The following RNLS variants were observed in gnomAD, a reference collection of about 807,000 sequenced individuals.
RNLS encodes renalase, FAD dependent amine oxidase, also known as renalase.
In RNLS, 39 loss-of-function variants were observed where a neutral mutation model predicts 39.8. The ratio of observed to expected loss-of-function variants is 0.98; its 90% CI spans 0.76 to 1.28. The LOEUF (loss-of-function observed/expected upper bound fraction) is 1.28. RNLS is among the 50% of genes most tolerant of loss of function. The pLI, the probability that RNLS is intolerant of heterozygous loss-of-function variation, is 0.00. For synonymous variants in RNLS, 147 were observed against 150.7 expected, an observed-to-expected ratio of 0.98 and a Z score of 0.18; for missense variants, 410 against 413.3, an observed-to-expected ratio of 0.99 and a Z score of 0.07.
Position 88,336,535 on chromosome 10 carries a change from C to T in RNLS, c.701-21894G>A, listed in dbSNP as rs986653696. Among the ~76,000 whole-genome samples, 11 of 152,056 alleles carry T rather than the reference C, an allele frequency of 7.2e-5. No homozygotes were observed. The East Asian group carries it at 2.1e-3, about 29-fold the overall frequency. ...GAATTGAAAATAAAATGAGAACTCC[C>T]CTAAAGTTCCTACTTCCAGTTTCAG... On this transcript the variant is annotated intron_variant, in intron 5 of 6. Transcript: ENST00000331772.
intron 4 of RNLS, among the ~76,000 whole-genome samples, chr10:88,433,716 G>T (rs1398625031): frequency 1.3e-5 from 2 of 151,964 alleles, no homozygotes; most frequent in Non-Finnish European, 2.9e-5. Flanking sequence ...TGAGTACTTA[G>T]ATCAAACCTG....
chr10:88,203,707 T>G, the RNLS span, among the ~76,000 whole-genome samples: 2 of 150,408 alleles, frequency 1.3e-5, no homozygotes, highest in Non-Finnish European at 3.0e-5. Flanking sequence ...ATGGTTGCCT[T>G]AGATTTATTT....
the RNLS span, among the ~76,000 whole-genome samples, chr10:88,240,901 A>AT: frequency 2.0e-4 from 30 of 149,640 alleles, no homozygotes; most frequent in Admixed American, 4.0e-4. Context: ...GTTGGCAAAG[A>AT]TTTTTTTTTT....
chr10:88,569,108 T>C (rs921049347), intron 4 of RNLS, among the ~76,000 whole-genome samples: 2 of 152,198 alleles, frequency 1.3e-5, no homozygotes, highest in African/African-American at 4.8e-5. Context: ...GTGAACATAA[T>C]ATGGTGTACC....
At chr10:88,209,895 A>T in the RNLS span, among the ~76,000 whole-genome samples, 1 of 152,204 alleles carries the variant, frequency 6.6e-6, no homozygotes. Context: ...CAAGAGAAAG[A>T]ACCTCAGGAG....
intron 4 of RNLS, among the ~76,000 whole-genome samples, chr10:88,555,913 C>T (rs1848849665): frequency 6.6e-6 from 1 of 152,112 alleles, no homozygotes; most frequent in South Asian, 2.1e-4. Context: ...TCTTGGACCT[C>T]ATCCAGTTCC....
chr10:88,313,355 C>T (rs1589525542), intron 6 of RNLS, among the ~76,000 whole-genome samples: 2 of 152,000 alleles, frequency 1.3e-5, no homozygotes, highest in East Asian at 3.8e-4. Context: ...AGATTATTTC[C>T]CTGTTTTCTT....
chr10:88,341,367 G>C (rs1007507985), intron 5 of RNLS, among the ~76,000 whole-genome samples: 2 of 137,828 alleles, frequency 1.5e-5, no homozygotes, highest in Non-Finnish European at 3.2e-5. Context: ...GAACAAACAA[G>C]AATATTGGCT....
At chr10:88,391,532 T>TG (rs1403834568) in intron 4 of RNLS, among the ~76,000 whole-genome samples, 10 of 152,166 alleles carry the variant, frequency 6.6e-5, no homozygotes, top group Non-Finnish European at 1.2e-4. Context: ...CACTCCAGCC[T>TG]GGCGACAGAG....
In RNLS at chr10:88,313,116, T is replaced by C. The variant is rs1055289113; in HGVS notation, c.876+1350A>G. Among the ~76,000 whole-genome samples the C allele has an allele frequency of 3.3e-5, 5 of 152,252 alleles. No individual in the cohort carries two copies. The East Asian group carries it at 9.6e-4, about 29-fold the overall frequency. On this transcript the variant is annotated intron_variant, in intron 6 of 6. Transcript: ENST00000331772. ...CAAAGATTTTTATTAAATTTTGTGA[T>C]ATTGCACAACTTTGATTAGACCATT...
the RNLS span, among the ~76,000 whole-genome samples, chr10:88,188,890 GT>G: frequency 6.6e-6 from 1 of 152,106 alleles, no homozygotes; most frequent in Non-Finnish European, 1.5e-5. Flanking sequence ...TGAAATCTCT[GT>G]GCTTTTTGTA....
chr10:88,485,683 A>G (rs1253055005), intron 4 of RNLS, among the ~76,000 whole-genome samples: 8 of 151,416 alleles, frequency 5.3e-5, no homozygotes, highest in African/African-American at 1.9e-4. Flanking sequence ...ATTTGCAGTT[A>G]ACAATATAAA....
the RNLS span, among the ~76,000 whole-genome samples, chr10:88,267,762 G>GGCAGAAAGGC: frequency 6.6e-6 from 1 of 152,130 alleles, no homozygotes; most frequent in African/African-American, 2.4e-5. Context: ...GATGGCCAAT[G>GGCAGAAAGGC]GCAGAAAGGC....
the RNLS span, among the ~76,000 whole-genome samples, chr10:88,212,118 C>G: frequency 1.3e-5 from 2 of 152,154 alleles, no homozygotes; most frequent in Non-Finnish European, 2.9e-5. Flanking sequence ...TTTTATGATG[C>G]CTTCTCTGAC....
At chr10:88,256,330 A>G in the RNLS span, among the ~76,000 whole-genome samples, 1 of 152,262 alleles carries the variant, frequency 6.6e-6, no homozygotes, top group South Asian at 2.1e-4. Flanking sequence ...TCCAGCGAGC[A>G]TCACAAATCC....
At chr10:88,223,574 A>T in the RNLS span, among the ~76,000 whole-genome samples, 4 of 152,224 alleles carry the variant, frequency 2.6e-5, no homozygotes, top group Non-Finnish European at 5.9e-5. Context: ...TTCTCAAAAG[A>T]CTTGGGCATA....
At chr10:88,280,199 C>G (rs146252442), downstream of RNLS, among the ~76,000 whole-genome samples, 1 of 152,074 alleles carries the variant, frequency 6.6e-6, no homozygotes, top group African/African-American at 2.4e-5. Flanking sequence ...TTTATATGAA[C>G]GTAAGCCTCA....
At chr10:88,287,159 G>A (rs1843331690) in intron 6 of RNLS, among the ~76,000 whole-genome samples, 1 of 152,016 alleles carries the variant, frequency 6.6e-6, no homozygotes, top group South Asian at 2.1e-4. Flanking sequence ...TGTTATATTT[G>A]CTTTTTTAAA....
the RNLS span, among the ~76,000 whole-genome samples, chr10:88,195,749 G>T: frequency 6.6e-5 from 10 of 152,156 alleles, no homozygotes; most frequent in South Asian, 2.1e-4. Context: ...ATACCAGGGA[G>T]ATTTCTGCTG....
Sources: allele counts gnomAD v4.1 joint callset (sites outside exome capture counted in the v4.1 genomes callset), GRCh38; gene constraint gnomAD v4.1.1; transcripts MANE v1.5; gene names NCBI Gene and HGNC (gene_info 2026-07-23, HGNC 2026-07-21).